PDK1: variants seen among roughly 807,000 people sequenced by gnomAD.
The protein encoded by PDK1 is pyruvate dehydrogenase kinase 1, also known as [Pyruvate dehydrogenase (acetyl-transferring)] kinase isozyme 1, mitochondrial.
In PDK1, 39 loss-of-function variants were observed where a neutral mutation model predicts 54.2. The ratio of observed to expected loss-of-function variants is 0.72; its 90% CI spans 0.56 to 0.94. PDK1 has a LOEUF of 0.94. Among genes scored for constraint, PDK1 ranks in the 40% least tolerant of loss-of-function variants. PDK1 has a pLI of 0.00. For synonymous variants in PDK1, 221 were observed against 207.1 expected, an observed-to-expected ratio of 1.07 and a Z score of -0.58; for missense variants, 552 against 566.0, an observed-to-expected ratio of 0.98 and a Z score of 0.25.
chr2:172,590,522 G>T (rs1690506933), intron 9 of PDK1, among the ~76,000 whole-genome samples: 1 of 152,096 alleles, frequency 6.6e-6, no homozygotes, highest in Admixed American at 6.5e-5. Context: ...GGCATGTCTG[G>T]AGTTGTTTGT....
the PDK1 span, among the ~76,000 whole-genome samples, chr2:172,619,943 TC>T: frequency 1.3e-5 from 2 of 152,098 alleles, no homozygotes; most frequent in Non-Finnish European, 2.9e-5. Context: ...GGTGGGTGGA[TC>T]ATTTGAGGTC....
chr2:172,594,907 A>G lies in PDK1; in HGVS notation c.1171-922A>G, dbSNP rs138271950. ...GAGAATTACTGGTAATAATATATGG[A>G]AAACTGAAATCATGCATGATGCAGA... On this transcript the variant is annotated intron_variant, in intron 10 of 10. Transcript: ENST00000282077. 2.1e-3 allele frequency among the ~76,000 whole-genome samples: 326 copies of G among 152,308 alleles called. 2 individuals carry two copies. Among genetic ancestry groups the G allele is most frequent in the African/African-American group, 7.4e-3 (308 of 41,560 alleles).
chr2:172,683,546 A>G, the PDK1 span, among the ~76,000 whole-genome samples: 1 of 152,068 alleles, frequency 6.6e-6, no homozygotes, highest in African/African-American at 2.4e-5. Flanking sequence ...GTTAAATTTG[A>G]GATGTTAATT....
intron 7 of PDK1, 129 bp from the exon 8 acceptor site, chr2:172,570,597 A>T: frequency 1.9e-6 from 1 of 516,330 alleles, no homozygotes; most frequent in Non-Finnish European, 3.4e-6. Flanking sequence ...AAATGTGGTT[A>T]TAAGAATTGT....
At chr2:172,668,390 C>A in the PDK1 span, among the ~76,000 whole-genome samples, 1 of 151,828 alleles carries the variant, frequency 6.6e-6, no homozygotes, top group African/African-American at 2.4e-5. Flanking sequence ...CAAAAAACCC[C>A]CAGTAATGAT....
chr2:172,701,647 TG>T, the PDK1 span, among the ~76,000 whole-genome samples: 26 of 89,052 alleles, frequency 2.9e-4, no homozygotes, highest in East Asian at 6.4e-4. Context: ...TTTTTTGTTT[TG>T]TTTTTTTTTT....
intron 8 of PDK1, among the ~76,000 whole-genome samples, chr2:172,576,777 T>A (rs1419543258): frequency 6.6e-6 from 1 of 152,204 alleles, no homozygotes; most frequent in Non-Finnish European, 1.5e-5. Context: ...ATTTCCCATG[T>A]GTTCTCTTAA....
Position 172,596,053 on chromosome 2 carries a change from G to C in PDK1, c.*84G>C. ...GGTGTTCAGAACTATATTATACCAA[G>C]TACTTTATTTATCGTTTTCACAAAA... On this transcript the variant is annotated 3_prime_UTR_variant, in exon 11 of 11. Transcript: ENST00000282077. The C allele has an allele frequency of 8.8e-7, 1 of 1,132,604 alleles. No individual in the cohort carries two copies. Among genetic ancestry groups the C allele is most frequent in the African/African-American group, 1.6e-5 (1 of 64,360 alleles). 70.2% of individuals were successfully genotyped at this position (1,132,604 alleles called of 1,614,324 possible).
chr2:172,714,984 T>C, the PDK1 span, among the ~76,000 whole-genome samples: 2 of 152,238 alleles, frequency 1.3e-5, no homozygotes, highest in Admixed American at 6.5e-5. Context: ...ATTATCTTTA[T>C]GGAATAGTTA....
At chr2:172,688,560 A>C in the PDK1 span, among the ~76,000 whole-genome samples, 3 of 152,202 alleles carry the variant, frequency 2.0e-5, no homozygotes, top group Admixed American at 2.0e-4. Context: ...TAAGGAGCAG[A>C]CCCCAACGTG....
chr2:172,697,547 C>G, the PDK1 span, among the ~76,000 whole-genome samples: 2 of 152,086 alleles, frequency 1.3e-5, no homozygotes, highest in African/African-American at 4.8e-5. Context: ...CAGTGATGCT[C>G]TATGATCCAA....
chr2:172,633,381 C>CTTTTTTTTTTTTTTTTTTTTTTTGTTTT, the PDK1 span, among the ~76,000 whole-genome samples: 1 of 103,996 alleles, frequency 9.6e-6, no homozygotes, highest in Non-Finnish European at 1.9e-5. Flanking sequence ...GATTTTCTTT[C>CTTTTTTTTTTTTTTTTTTTTTTTGTTTT]TTTTTTTTTT....
chr2:172,593,675 AT>A (rs1366743510), intron 10 of PDK1, among the ~76,000 whole-genome samples: 1 of 152,158 alleles, frequency 6.6e-6, no homozygotes, highest in African/African-American at 2.4e-5. Context: ...GTACAAACAG[AT>A]TTGGGAACAA....
chr2:172,684,266 C>A, the PDK1 span, among the ~76,000 whole-genome samples: 1 of 151,848 alleles, frequency 6.6e-6, no homozygotes, highest in Non-Finnish European at 1.5e-5. Context: ...ACAAAAAATA[C>A]AAAAAATTAG....
At chr2:172,665,774 G>A in the PDK1 span, among the ~76,000 whole-genome samples, 1 of 152,162 alleles carries the variant, frequency 6.6e-6, no homozygotes, top group African/African-American at 2.4e-5. Flanking sequence ...GCACAGTTTG[G>A]TCAAACAGAC....
chr2:172,690,844 C>T, the PDK1 span, among the ~76,000 whole-genome samples: 2 of 139,084 alleles, frequency 1.4e-5, no homozygotes, highest in African/African-American at 5.2e-5. Flanking sequence ...CACACTGGGG[C>T]CTGTTGGGGG....
the PDK1 span, among the ~76,000 whole-genome samples, chr2:172,703,766 C>CTTTTTTTTTT: frequency 4.4e-3 from 396 of 89,104 alleles, 24 homozygotes; most frequent in African/African-American, 0.015. Context: ...TTCTTTCTTT[C>CTTTTTTTTTT]TTTTTTTTTT....
At chr2:172,586,426 A>G (rs777954549) in intron 9 of PDK1, 38 bp downstream of exon 9, 3 of 1,276,188 alleles carry the variant, frequency 2.4e-6, no homozygotes, top group South Asian at 2.4e-5. Flanking sequence ...GTTTCTGTGA[A>G]TTGCCTTCCA....
At chr2:172,637,142 T>C in the PDK1 span, among the ~76,000 whole-genome samples, 1 of 152,238 alleles carries the variant, frequency 6.6e-6, no homozygotes, top group Non-Finnish European at 1.5e-5. Flanking sequence ...ACTCAAGTGA[T>C]TTCTGTATAA....
Sources: gnomAD v4.1 joint callset for allele counts (sites outside exome capture counted in the v4.1 genomes callset) on GRCh38, gnomAD v4.1.1 for gene constraint, MANE v1.5 for transcripts, NCBI Gene and HGNC (gene_info 2026-07-23, HGNC 2026-07-21) for gene names.